CCNY: variants seen among roughly 807,000 people sequenced by gnomAD.
The protein encoded by CCNY is cyclin-Y.
In CCNY, 19 loss-of-function variants were observed where a neutral mutation model predicts 42.8. The observed-to-expected ratio is 0.44, with a 90% confidence interval of 0.31 to 0.65. CCNY has a LOEUF of 0.65. Among genes scored for constraint, CCNY ranks in the 30% least tolerant of loss-of-function variants. CCNY has a pLI of 0.07. For missense variants in CCNY, 370 were observed against 437.3 expected, an observed-to-expected ratio of 0.85 and a Z score of 1.37; for synonymous variants, 165 against 162.7, an observed-to-expected ratio of 1.01 and a Z score of -0.11.
In CCNY at chr10:35,336,805, T is replaced by G. The variant is rs917529137; in HGVS notation, c.-249T>G. 1.4e-5 allele frequency: 2 copies of G among 146,530 alleles called. No individual in the cohort carries two copies. Among genetic ancestry groups the G allele is most frequent in the Non-Finnish European group, 3.0e-5 (2 of 65,894 alleles). 9.1% of individuals were successfully genotyped at this position (146,530 alleles called of 1,614,324 possible). A position where few individuals can be genotyped will look rare whatever the true frequency, so the allele number is the denominator to read the frequency against. On this transcript the variant is annotated 5_prime_UTR_variant, in exon 1 of 10. Transcript: ENST00000374704. ...GACCCGAGCGCTCCTCCGCCGCGGA[T>G]AGGCCGGCCGAGGGGGAGCCGGGGC...
chr10:35,337,314 C>A (rs990175016), intron 1 of CCNY, 107 bp downstream of exon 1: 20 of 1,178,528 alleles, frequency 1.7e-5, no homozygotes, highest in Non-Finnish European at 2.1e-5. Flanking sequence ...CTCGGCGACC[C>A]GTGCATAACC....
At chr10:35,535,924 T>G (rs539147606) in intron 7 of CCNY, among the ~76,000 whole-genome samples, 124 of 152,320 alleles carry the variant, frequency 8.1e-4, no homozygotes, top group Admixed American at 1.7e-3. Flanking sequence ...GCACTTCATT[T>G]TGTTTACTCA....
chr10:35,394,361 CAT>C (rs1333237684), intron 1 of CCNY, among the ~76,000 whole-genome samples: 2 of 152,232 alleles, frequency 1.3e-5, no homozygotes, highest in Non-Finnish European at 2.9e-5. Flanking sequence ...ATTCAATTAA[CAT>C]GTGCATTTTT....
intron 1 of CCNY, among the ~76,000 whole-genome samples, chr10:35,367,079 C>A (rs1234043225): frequency 6.6e-6 from 1 of 152,160 alleles, no homozygotes; most frequent in African/African-American, 2.4e-5. Context: ...AATGATGTTA[C>A]CATGCTGATT....
intron 3 of CCNY, among the ~76,000 whole-genome samples, chr10:35,327,099 T>C (rs926735188): frequency 1.6e-4 from 24 of 152,282 alleles, no homozygotes; most frequent in Non-Finnish European, 1.2e-4. Flanking sequence ...AATATTTCGC[T>C]AGGCTATTCT....
chr10:35,535,381 G>T (rs1840864413), intron 7 of CCNY, among the ~76,000 whole-genome samples: 1 of 152,122 alleles, frequency 6.6e-6, no homozygotes, highest in South Asian at 2.1e-4. Flanking sequence ...GGCAGGTGCA[G>T]TTGTGAGTTT....
intron 3 of CCNY, among the ~76,000 whole-genome samples, chr10:35,313,433 G>T (rs113837256): frequency 2.0e-5 from 3 of 152,104 alleles, no homozygotes; most frequent in Non-Finnish European, 4.4e-5. Context: ...GTCTCTTTGC[G>T]CATGTAACTG....
intron 1 of CCNY, among the ~76,000 whole-genome samples, chr10:35,338,696 C>T (rs1160250593): frequency 2.0e-5 from 3 of 152,130 alleles, no homozygotes; most frequent in African/African-American, 7.2e-5. Flanking sequence ...ACTATGTTGA[C>T]AGGCGAAAAC....
intron 7 of CCNY, among the ~76,000 whole-genome samples, chr10:35,550,875 T>C (rs775117691): frequency 7.2e-5 from 11 of 152,000 alleles, no homozygotes; most frequent in Non-Finnish European, 5.9e-5. Flanking sequence ...TTCTTAAGCC[T>C]CCCCCAGGTC....
chr10:35,252,690 T>G (rs1166914650), intron 3 of CCNY, among the ~76,000 whole-genome samples: 2 of 152,146 alleles, frequency 1.3e-5, no homozygotes, highest in Non-Finnish European at 2.9e-5. Flanking sequence ...ATGGAGATCT[T>G]GCTTCTTGTT....
At chr10:35,393,835 C>T (rs1378988801) in intron 1 of CCNY, among the ~76,000 whole-genome samples, 4 of 151,594 alleles carry the variant, frequency 2.6e-5, no homozygotes, top group Non-Finnish European at 5.9e-5. Context: ...GTAGTTCTAG[C>T]CACTCCAGAG....
intron 2 of CCNY, among the ~76,000 whole-genome samples, chr10:35,490,829 G>T (rs1293582396): frequency 6.6e-6 from 1 of 152,140 alleles, no homozygotes; most frequent in Non-Finnish European, 1.5e-5. Flanking sequence ...GTCAGTGCAG[G>T]CCTCAGCTCA....
intron 7 of CCNY, among the ~76,000 whole-genome samples, chr10:35,537,361 G>C (rs1370282838): frequency 1.3e-5 from 2 of 152,230 alleles, no homozygotes; most frequent in East Asian, 3.9e-4. Context: ...CCCCCACACA[G>C]AGTCCCTGCT....
chr10:35,334,841 G>A (rs1288184808), upstream of CCNY, among the ~76,000 whole-genome samples: 1 of 152,152 alleles, frequency 6.6e-6, no homozygotes, highest in African/African-American at 2.4e-5. Flanking sequence ...CCGTTCACAC[G>A]ATGTCCACAC....
intron 1 of CCNY, among the ~76,000 whole-genome samples, chr10:35,457,768 A>G (rs1452010303): frequency 3.9e-5 from 6 of 152,072 alleles, no homozygotes; most frequent in Admixed American, 3.9e-4. Context: ...TATTTTTAGT[A>G]GAACCAGGGT....
chr10:35,314,068 A>G (rs1245695742), intron 3 of CCNY, among the ~76,000 whole-genome samples: 2 of 151,770 alleles, frequency 1.3e-5, no homozygotes, highest in African/African-American at 4.8e-5. Context: ...TGAAACATTC[A>G]TCTTAGAAAA....
In CCNY at chr10:35,475,026, C is replaced by G. The variant is rs530547311; in HGVS notation, c.155-8378C>G. On this transcript the variant is annotated intron_variant, in intron 1 of 9. Transcript: ENST00000374704. Reference sequence around the variant, plus strand: ...CAGAAGCCTCAGGAGCTGATGCGATCAACTGGAAGAAAGGGTATCAGCAAT... The same window carrying G: ...CAGAAGCCTCAGGAGCTGATGCGATGAACTGGAAGAAAGGGTATCAGCAAT... Among the ~76,000 whole-genome samples, 83 of 152,066 alleles carry G rather than the reference C, an allele frequency of 5.5e-4. No homozygotes were observed. The South Asian group carries it at 0.016, about 30-fold the overall frequency.
At chr10:35,454,061 C>T (rs1040404209) in intron 1 of CCNY, among the ~76,000 whole-genome samples, 3 of 152,148 alleles carry the variant, frequency 2.0e-5, no homozygotes, top group Non-Finnish European at 2.9e-5. Flanking sequence ...TGACAGGCGG[C>T]GAATCCAGAG....
intron 3 of CCNY, among the ~76,000 whole-genome samples, chr10:35,515,272 G>T (rs1009123242): frequency 2.0e-5 from 3 of 152,140 alleles, no homozygotes; most frequent in Non-Finnish European, 4.4e-5. Flanking sequence ...GGGCTCCGAG[G>T]GTCAGGATGC....
Sources: gnomAD v4.1 joint callset for allele counts (sites outside exome capture counted in the v4.1 genomes callset) on GRCh38, gnomAD v4.1.1 for gene constraint, MANE v1.5 for transcripts, NCBI Gene and HGNC (gene_info 2026-07-23, HGNC 2026-07-21) for gene names.